The following EYA4 variants were observed in gnomAD, a reference collection of about 807,000 sequenced individuals.
EYA4 encodes EYA transcriptional coactivator and phosphatase 4.
Under a neutral mutation model 87.9 loss-of-function variants are expected in EYA4, and 31 were observed. The observed-to-expected ratio is 0.35, with a 90% CI of 0.27 to 0.48. The LOEUF (loss-of-function observed/expected upper bound fraction) is 0.48, where lower values mean the gene tolerates loss of function less well. Among genes scored for constraint, EYA4 ranks in the 20% least tolerant of loss-of-function variants. The pLI is 0.99. For missense variants in EYA4, 678 were observed against 761.4 expected (o/e 0.89, Z 1.29); for synonymous variants, 263 against 270.6 (o/e 0.97, Z 0.28).
At chr6:133,408,728 A>T (rs919475269) in intron 3 of EYA4, among the ~76,000 whole-genome samples, 1 of 152,162 alleles carries the variant, frequency 6.6e-6, no homozygotes, top group Non-Finnish European at 1.5e-5. Context: ...CTTTTAGGAC[A>T]GTGCCTGGCG....
At chr6:133,357,068 G>A (rs1020682562) in intron 2 of EYA4, among the ~76,000 whole-genome samples, 1 of 151,726 alleles carries the variant, frequency 6.6e-6, no homozygotes, top group Non-Finnish European at 1.5e-5. Flanking sequence ...TCAGGAGATC[G>A]AGACCATCCT....
intron 3 of EYA4, among the ~76,000 whole-genome samples, chr6:133,383,517 C>CAAAAAAAA (rs768724484): frequency 0.014 from 632 of 45,228 alleles, 159 homozygotes; most frequent in East Asian, 0.024. Context: ...GACTCCATCT[C>CAAAAAAAA]AAAAAAAAAA....
At chr6:133,450,862 T>C (rs1328071821) in intron 5 of EYA4, among the ~76,000 whole-genome samples, 5 of 152,358 alleles carry the variant, frequency 3.3e-5, no homozygotes, top group Non-Finnish European at 7.4e-5. Flanking sequence ...GATTTTATCC[T>C]ACTACATTGG....
chr6:133,527,917 C>T (rs1234791261), intron 19 of EYA4, among the ~76,000 whole-genome samples: 1 of 152,036 alleles, frequency 6.6e-6, no homozygotes, highest in Non-Finnish European at 1.5e-5. Context: ...TCATTATCAT[C>T]GCCAGTGGGG....
At chr6:133,292,841 T>C (rs913168912) in intron 2 of EYA4, among the ~76,000 whole-genome samples, 29 of 152,326 alleles carry the variant, frequency 1.9e-4, no homozygotes, top group African/African-American at 6.5e-4. Context: ...AGAGTGTTTA[T>C]ATGTTAAAGC....
At chr6:133,360,011 A>G (rs1784339430) in intron 2 of EYA4, among the ~76,000 whole-genome samples, 1 of 152,176 alleles carries the variant, frequency 6.6e-6, no homozygotes, top group Non-Finnish European at 1.5e-5. Context: ...GCATCTGAAG[A>G]AGGTAGCCCA....
At position 133,524,885 on chromosome 6, in the gene EYA4, G is replaced by A. The variant is rs1162233298; in HGVS notation, c.1739-269G>A. 3.7e-6 allele frequency: 3 copies of A among 813,530 alleles called. No homozygotes were observed. The African/African-American group carries it at 5.0e-5, about 14-fold the overall frequency. The allele number at this position is 813,530 out of a possible 1,614,324, so 50.4% of individuals were successfully genotyped here. A position where few individuals can be genotyped will look rare whatever the true frequency, so the allele number is the denominator to read the frequency against. Reference sequence around the variant, plus strand: ...AACGCCTTACCTTATTCAAATATATGTTGATTTCATAAACCCAGAGGTTGT... The same window carrying A: ...AACGCCTTACCTTATTCAAATATATATTGATTTCATAAACCCAGAGGTTGT... On this transcript the variant is annotated intron_variant, in intron 18 of 19. Transcript: ENST00000355286.
chr6:133,483,849 G>A (rs931704181), intron 13 of EYA4, among the ~76,000 whole-genome samples: 3 of 151,520 alleles, frequency 2.0e-5, no homozygotes, highest in African/African-American at 7.3e-5. Flanking sequence ...TCAGCCTCTC[G>A]AGTAGCTGGG....
chr6:133,388,130 G>A (rs1366693720), intron 3 of EYA4, among the ~76,000 whole-genome samples: 3 of 152,034 alleles, frequency 2.0e-5, no homozygotes, highest in East Asian at 1.9e-4. Flanking sequence ...AGTCTCGGCC[G>A]GGCACAGTGG....
intron 6 of EYA4, among the ~76,000 whole-genome samples, chr6:133,460,323 G>A (rs781511726): frequency 2.7e-5 from 4 of 150,890 alleles, no homozygotes; most frequent in Non-Finnish European, 5.9e-5. Flanking sequence ...CCATATATTT[G>A]CAAAACATCT....
intron 11 of EYA4, among the ~76,000 whole-genome samples, chr6:133,473,332 A>C (rs573849845): frequency 6.6e-6 from 1 of 152,180 alleles, no homozygotes; most frequent in Non-Finnish European, 1.5e-5. Flanking sequence ...TTCAGCAGTA[A>C]ATGAGCTCTT....
chr6:133,523,552 G>A (rs1421311865), intron 18 of EYA4, among the ~76,000 whole-genome samples: 1 of 152,050 alleles, frequency 6.6e-6, no homozygotes, highest in Non-Finnish European at 1.5e-5. Context: ...GCTTTGCAGG[G>A]GATTCTTTGA....
intron 13 of EYA4, among the ~76,000 whole-genome samples, chr6:133,500,547 A>C (rs58305346): frequency 0.038 from 5,802 of 152,120 alleles, 405 homozygotes; most frequent in African/African-American, 0.13. Flanking sequence ...GAGCAAGCAT[A>C]TCTCTCCCAA....
At chr6:133,518,666 T>G (rs1799824750) in intron 17 of EYA4, among the ~76,000 whole-genome samples, 2 of 152,156 alleles carry the variant, frequency 1.3e-5, no homozygotes, top group Admixed American at 6.6e-5. Flanking sequence ...CAAAAGCCAC[T>G]TAAGCAACTC....
At chr6:133,350,252 G>A (rs1783539716) in intron 2 of EYA4, among the ~76,000 whole-genome samples, 1 of 152,112 alleles carries the variant, frequency 6.6e-6, no homozygotes, top group South Asian at 2.1e-4. Flanking sequence ...GAAGACAAAA[G>A]TACACCTTGA....
At chr6:133,523,201 G>A (rs59368621) in intron 18 of EYA4, 24 bp downstream of exon 18, 2 of 1,608,180 alleles carry the variant, frequency 1.2e-6, no homozygotes, top group East Asian at 2.2e-5. Flanking sequence ...TTTAAACTCT[G>A]TATGGAATGT....
chr6:133,347,648 T>A (rs894889244), intron 2 of EYA4, among the ~76,000 whole-genome samples: 1 of 152,236 alleles, frequency 6.6e-6, no homozygotes, highest in African/African-American at 2.4e-5. Flanking sequence ...GCCAGCATTT[T>A]TCATGGATTA....
chr6:133,368,961 G>A (rs1785062862), intron 2 of EYA4, among the ~76,000 whole-genome samples: 1 of 152,186 alleles, frequency 6.6e-6, no homozygotes, highest in Non-Finnish European at 1.5e-5. Context: ...TTACTCAGAT[G>A]CAGTATTTAC....
chr6:133,398,271 G>T (rs1361764936), intron 3 of EYA4, among the ~76,000 whole-genome samples: 2 of 152,290 alleles, frequency 1.3e-5, no homozygotes, highest in African/African-American at 4.8e-5. Context: ...TGTATGCTAG[G>T]GGTGAGGGAG....
Sources: allele counts gnomAD v4.1 joint callset (sites outside exome capture counted in the v4.1 genomes callset), GRCh38; gene constraint gnomAD v4.1.1; transcripts MANE v1.5; gene names NCBI Gene and HGNC (gene_info 2026-07-23, HGNC 2026-07-21).